WDPCP: variants seen among roughly 807,000 people sequenced by gnomAD.
WDPCP encodes the protein WD repeat containing planar cell polarity effector, also known as WD repeat-containing and planar cell polarity effector protein fritz homolog.
Under a neutral mutation model 93.1 loss-of-function variants are expected in WDPCP, and 71 were observed. That is an observed-to-expected ratio of 0.76 (90% CI 0.63 to 0.93). The LOEUF (loss-of-function observed/expected upper bound fraction) is 0.93. WDPCP is among the 40% of genes least tolerant of loss of function. WDPCP has a pLI of 0.00. For missense variants in WDPCP, 844 were observed against 887.4 expected (o/e 0.95, Z 0.62); for synonymous variants, 315 against 315.0 (o/e 1.00, Z 0.00).
At chr2:63,448,465 C>G (rs13408481) in intron 6 of WDPCP, among the ~76,000 whole-genome samples, 11,059 of 151,888 alleles carry the variant, frequency 0.073, 1,236 homozygotes, top group African/African-American at 0.24. Flanking sequence ...CACACACACA[C>G]ACACCCTTAA....
intron 14 of WDPCP, among the ~76,000 whole-genome samples, chr2:63,242,345 A>T (rs1679921559): frequency 6.6e-6 from 1 of 152,224 alleles, no homozygotes; most frequent in South Asian, 2.1e-4. Context: ...CCGCCACATT[A>T]AGTACAGCTG....
At chr2:63,256,216 T>C (rs1681133425) in intron 14 of WDPCP, among the ~76,000 whole-genome samples, 1 of 152,164 alleles carries the variant, frequency 6.6e-6, no homozygotes, top group Non-Finnish European at 1.5e-5. Flanking sequence ...GAGATTTATA[T>C]GGAAGGATAG....
intron 2 of WDPCP, among the ~76,000 whole-genome samples, chr2:63,792,654 T>A (rs760799275): frequency 6.6e-6 from 1 of 152,110 alleles, no homozygotes; most frequent in Non-Finnish European, 1.5e-5. Context: ...CTTGACGCAT[T>A]TGAGAAATTG....
intron 3 of WDPCP, among the ~76,000 whole-genome samples, chr2:63,634,481 A>G (rs1196561039): frequency 6.6e-6 from 1 of 152,350 alleles, no homozygotes; most frequent in African/African-American, 2.4e-5. Context: ...AAAATCCATA[A>G]GGAAATATTG....
chr2:63,814,990 G>A (rs2104102608), intron 1 of WDPCP, among the ~76,000 whole-genome samples: 1 of 152,238 alleles, frequency 6.6e-6, no homozygotes, highest in Middle Eastern at 3.4e-3. Context: ...TCCAAATAAT[G>A]AAACTGTATC....
At chr2:63,644,285 C>T (rs1486241678) in intron 3 of WDPCP, among the ~76,000 whole-genome samples, 1 of 139,054 alleles carries the variant, frequency 7.2e-6, no homozygotes, top group Non-Finnish European at 1.5e-5. Context: ...TGCTCTGTCA[C>T]CCAGGCTGGA....
intron 15 of WDPCP, among the ~76,000 whole-genome samples, chr2:63,158,973 C>CAAAAAA (rs34001322): frequency 3.3e-5 from 2 of 61,138 alleles, no homozygotes; most frequent in African/African-American, 8.7e-5. Context: ...CTCATCTCTA[C>CAAAAAA]AAAAAAAAAA....
At chr2:63,418,890 G>C (rs1251872212) in intron 9 of WDPCP, among the ~76,000 whole-genome samples, 1 of 152,200 alleles carries the variant, frequency 6.6e-6, no homozygotes, top group Admixed American at 6.5e-5. Context: ...CTAAACCACA[G>C]GCTACGCAGT....
intron 2 of WDPCP, among the ~76,000 whole-genome samples, chr2:63,780,993 A>G (rs1341647208): frequency 6.6e-6 from 1 of 152,190 alleles, no homozygotes; most frequent in Non-Finnish European, 1.5e-5. Flanking sequence ...TCAGAAATGG[A>G]TGGAATCTCA....
chr2:63,507,909 A>T lies in WDPCP; in HGVS notation c.76-14969T>A, dbSNP rs780291231. Among the ~76,000 whole-genome samples the T allele has an allele frequency of 5.1e-4, 77 of 152,126 alleles. 2 individuals carry two copies. Among genetic ancestry groups the T allele is most frequent in the Non-Finnish European group, 1.8e-4 (12 of 68,014 alleles). ...AAAAAAGAATGAAAAGGAACGAACA[A>T]AGCCTGCAAGAAATATGGGACTATG... On this transcript the variant is annotated intron_variant, in intron 1 of 17. Coordinates refer to ENST00000272321, the MANE Select transcript of WDPCP (RefSeq NM_015910.7).
chr2:63,160,318 C>T (rs1291653648), intron 15 of WDPCP, among the ~76,000 whole-genome samples: 1 of 152,036 alleles, frequency 6.6e-6, no homozygotes, highest in East Asian at 1.9e-4. Context: ...TTAGGTCATT[C>T]ACTTATACAA....
chr2:63,783,641 G>C (rs554937868), intron 2 of WDPCP, among the ~76,000 whole-genome samples: 101 of 152,148 alleles, frequency 6.6e-4, no homozygotes, highest in Non-Finnish European at 1.2e-3. Flanking sequence ...TAGAACTGGA[G>C]GCCATTATCT....
At chr2:63,588,717 GC>G, upstream of WDPCP, 1 of 492,990 alleles carries the variant, frequency 2.0e-6, no homozygotes, top group Admixed American at 3.3e-5. Context: ...TTCCTCCTGA[GC>G]CCAAACCATC....
chr2:63,688,058 A>G (rs1668835782), intron 2 of WDPCP, among the ~76,000 whole-genome samples: 2 of 152,228 alleles, frequency 1.3e-5, no homozygotes, highest in African/African-American at 2.4e-5. Context: ...ACTGGAGATC[A>G]TTATAGCTAA....
chr2:63,549,085 C>A (rs1338151373), intron 1 of WDPCP, among the ~76,000 whole-genome samples: 1 of 151,526 alleles, frequency 6.6e-6, no homozygotes, highest in Non-Finnish European at 1.5e-5. Flanking sequence ...CCAGTCTCTA[C>A]TAAAAATATA....
At chr2:63,505,931 T>C (rs936774019) in intron 1 of WDPCP, among the ~76,000 whole-genome samples, 1 of 151,964 alleles carries the variant, frequency 6.6e-6, no homozygotes, top group African/African-American at 2.4e-5. Flanking sequence ...ATGAATACAA[T>C]TACATCAGAG....
intron 13 of WDPCP, among the ~76,000 whole-genome samples, chr2:63,280,428 C>T (rs1683446685): frequency 6.6e-6 from 1 of 152,176 alleles, no homozygotes; most frequent in Admixed American, 6.5e-5. Flanking sequence ...CCCCATGGGT[C>T]CCTCCCACAA....
At chr2:63,523,799 T>G (rs1170584053) in intron 1 of WDPCP, among the ~76,000 whole-genome samples, 1 of 152,146 alleles carries the variant, frequency 6.6e-6, no homozygotes, top group Non-Finnish European at 1.5e-5. Context: ...TAATCCCAGC[T>G]ACTCGGGAGG....
At chr2:63,327,712 C>T (rs1002798562) in intron 12 of WDPCP, among the ~76,000 whole-genome samples, 2 of 152,184 alleles carry the variant, frequency 1.3e-5, no homozygotes, top group African/African-American at 4.8e-5. Flanking sequence ...AGTTGGGCAA[C>T]ACGTCTTCTC....
Sources: allele counts gnomAD v4.1 joint callset (sites outside exome capture counted in the v4.1 genomes callset), GRCh38; gene constraint gnomAD v4.1.1; transcripts MANE v1.5; gene names NCBI Gene and HGNC (gene_info 2026-07-23, HGNC 2026-07-21).